The following TTC29 variants were observed in gnomAD, a reference collection of about 807,000 sequenced individuals.
The protein encoded by TTC29 is tetratricopeptide repeat protein 29.
A neutral mutation model predicts 58.1 loss-of-function variants in TTC29; 49 were observed. The observed-to-expected ratio is 0.84, with a 90% CI of 0.67 to 1.07. The LOEUF is 1.07. Among genes scored for constraint, TTC29 ranks in the 50% least tolerant of loss-of-function variants. The pLI is 0.00. For missense variants in TTC29, 582 were observed against 555.6 expected, an observed-to-expected ratio of 1.05 and a Z score of -0.48; for synonymous variants, 209 against 196.8, an observed-to-expected ratio of 1.06 and a Z score of -0.52.
Position 146,857,277 on chromosome 4 carries a change from A to AGTGTGT in TTC29, c.885+10215_885+10220dup, listed in dbSNP as rs70958531. Among the ~76,000 whole-genome samples, 16 of 149,420 alleles carry AGTGTGT rather than the reference A, an allele frequency of 1.1e-4. 1 individual carries two copies. The East Asian group carries it at 1.4e-3, about 13-fold the overall frequency. ...GGCGCTGTTTGTGTACTAGTGGAAG[A>AGTGTGT]GTGTGTGTGTGTGTGTGTGTGGAGG... On this transcript the variant is annotated intron_variant, in intron 8 of 12. Transcript: ENST00000325106.
chr4:146,862,616 T>G (rs1255457785), intron 8 of TTC29, among the ~76,000 whole-genome samples: 3 of 152,178 alleles, frequency 2.0e-5, no homozygotes, highest in South Asian at 2.1e-4. Context: ...GTGCTTGGCT[T>G]CTGCAAGTCT....
At chr4:146,907,975 C>A (rs1360448600) in intron 5 of TTC29, among the ~76,000 whole-genome samples, 1 of 152,050 alleles carries the variant, frequency 6.6e-6, no homozygotes, top group African/African-American at 2.4e-5. Flanking sequence ...CACACACACA[C>A]CCTAGTTCAT....
chr4:146,733,037 G>C (rs1176662011), intron 11 of TTC29, among the ~76,000 whole-genome samples: 2 of 152,144 alleles, frequency 1.3e-5, no homozygotes, highest in East Asian at 3.9e-4. Context: ...GAGAAAGGTG[G>C]TGGATTTTGC....
intron 4 of TTC29, among the ~76,000 whole-genome samples, chr4:146,927,899 T>C (rs767666690): frequency 3.3e-5 from 5 of 152,128 alleles, no homozygotes; most frequent in Non-Finnish European, 5.9e-5. Flanking sequence ...CTAAGCACTG[T>C]ATGAATAGAG....
intron 11 of TTC29, among the ~76,000 whole-genome samples, chr4:146,729,573 AG>A (rs996849488): frequency 3.9e-5 from 6 of 152,122 alleles, no homozygotes; most frequent in Non-Finnish European, 7.4e-5. Flanking sequence ...GGGTTCAAAA[AG>A]GTTTGCTTTG....
At chr4:146,833,739 A>T (rs938447358) in intron 9 of TTC29, 67 bp downstream of exon 9, 1 of 1,316,102 alleles carries the variant, frequency 7.6e-7, no homozygotes, top group Non-Finnish European at 1.1e-6. Context: ...ACAGACCTCA[A>T]ACAATTTAAG....
intron 11 of TTC29, among the ~76,000 whole-genome samples, chr4:146,752,104 T>C (rs1452521845): frequency 2.0e-5 from 3 of 151,788 alleles, no homozygotes; most frequent in Admixed American, 6.6e-5. Flanking sequence ...GGGCATTCAA[T>C]TAGGAAAAGA....
At chr4:146,790,040 C>T (rs75265565) in intron 11 of TTC29, among the ~76,000 whole-genome samples, 2,512 of 152,238 alleles carry the variant, frequency 0.017, 80 homozygotes, top group East Asian at 0.13. Context: ...CCAGGTAAAA[C>T]AAGCCTTGCT....
intron 11 of TTC29, among the ~76,000 whole-genome samples, chr4:146,725,874 C>T (rs948383239): frequency 1.3e-5 from 2 of 152,148 alleles, no homozygotes; most frequent in African/African-American, 2.4e-5. Flanking sequence ...CACCTATACA[C>T]CTATTCTATA....
At chr4:146,856,729 G>C (rs1561193167) in intron 8 of TTC29, among the ~76,000 whole-genome samples, 2 of 150,220 alleles carry the variant, frequency 1.3e-5, no homozygotes, top group African/African-American at 4.9e-5. Flanking sequence ...AAAAACTAGA[G>C]ACATTTTAAA....
intron 10 of TTC29, among the ~76,000 whole-genome samples, chr4:146,818,387 C>T (rs1055143561): frequency 3.3e-5 from 5 of 152,164 alleles, no homozygotes; most frequent in African/African-American, 1.2e-4. Flanking sequence ...CAATGAGATA[C>T]CATCTCACAC....
chr4:146,893,638 C>A (rs918440682), intron 6 of TTC29, among the ~76,000 whole-genome samples: 5 of 152,154 alleles, frequency 3.3e-5, no homozygotes, highest in Non-Finnish European at 5.9e-5. Context: ...GACTTCATGT[C>A]TAAAACACCA....
chr4:146,827,009 T>C (rs1727849778), intron 9 of TTC29, among the ~76,000 whole-genome samples: 1 of 152,120 alleles, frequency 6.6e-6, no homozygotes, highest in Admixed American at 6.6e-5. Context: ...TCTAACCTTT[T>C]ATCGAGGTTC....
At chr4:146,841,856 G>A (rs2150170091) in intron 8 of TTC29, among the ~76,000 whole-genome samples, 1 of 152,096 alleles carries the variant, frequency 6.6e-6, no homozygotes, top group East Asian at 1.9e-4. Flanking sequence ...GGTACAAAAT[G>A]GAAATGAATG....
At chr4:146,772,872 T>C (rs1747836922) in intron 11 of TTC29, among the ~76,000 whole-genome samples, 1 of 152,008 alleles carries the variant, frequency 6.6e-6, no homozygotes, top group Admixed American at 6.6e-5. Flanking sequence ...GAATATCTTT[T>C]CATTTGTGTT....
intron 4 of TTC29, among the ~76,000 whole-genome samples, chr4:146,911,726 C>A (rs1401291263): frequency 6.6e-6 from 1 of 152,092 alleles, no homozygotes; most frequent in Non-Finnish European, 1.5e-5. Context: ...ACTTTCAAGA[C>A]AGGAAGAAAA....
chr4:146,929,019 G>T (rs897010404), intron 4 of TTC29, among the ~76,000 whole-genome samples: 1 of 152,036 alleles, frequency 6.6e-6, no homozygotes, highest in African/African-American at 2.4e-5. Flanking sequence ...GATTTGGAAA[G>T]ATTCTTATTG....
intron 11 of TTC29, among the ~76,000 whole-genome samples, chr4:146,795,938 C>G (rs1455267421): frequency 6.6e-6 from 1 of 152,188 alleles, no homozygotes; most frequent in Non-Finnish European, 1.5e-5. Context: ...AAGACCCTTG[C>G]TGAGAATGAG....
chr4:146,750,360 T>A (rs7673855), intron 11 of TTC29, among the ~76,000 whole-genome samples: 1,950 of 152,294 alleles, frequency 0.013, 42 homozygotes, highest in African/African-American at 0.045. Flanking sequence ...AAGGAAAATA[T>A]AATAATTACT....
Sources: gnomAD v4.1 joint callset for allele counts (sites outside exome capture counted in the v4.1 genomes callset) on GRCh38, gnomAD v4.1.1 for gene constraint, MANE v1.5 for transcripts, NCBI Gene and HGNC (gene_info 2026-07-23, HGNC 2026-07-21) for gene names.